SCAPER: variants seen among roughly 807,000 people sequenced by gnomAD.
The protein encoded by SCAPER is S-phase cyclin A associated protein in the ER, also known as S phase cyclin A-associated protein in the endoplasmic reticulum.
Under a neutral mutation model 182.2 loss-of-function variants are expected in SCAPER, and 98 were observed. The ratio of observed to expected loss-of-function variants is 0.54; its 90% CI spans 0.46 to 0.64. The LOEUF is 0.64. Ranked by LOEUF, SCAPER falls within the 30% of genes least tolerant of loss-of-function variation. The pLI is 0.00. For synonymous variants in SCAPER, 605 were observed against 564.6 expected, an observed-to-expected ratio of 1.07 and a Z score of -1.01; for missense variants, 1,432 against 1,690.0, an observed-to-expected ratio of 0.85 and a Z score of 2.68.
At chr15:76,849,955 T>C (rs575543480) in intron 4 of SCAPER, among the ~76,000 whole-genome samples, 3 of 152,154 alleles carry the variant, frequency 2.0e-5, no homozygotes, top group East Asian at 3.9e-4. Context: ...TGGACACCTA[T>C]AAAACCATTA....
chr15:76,787,257 A>G (rs1279030671), intron 8 of SCAPER, among the ~76,000 whole-genome samples: 1 of 152,282 alleles, frequency 6.6e-6, no homozygotes, highest in Non-Finnish European at 1.5e-5. Flanking sequence ...TCAAGTCAGT[A>G]TAGAATTGAT....
At chr15:76,818,492 A>G (rs2067257855) in intron 5 of SCAPER, among the ~76,000 whole-genome samples, 1 of 152,226 alleles carries the variant, frequency 6.6e-6, no homozygotes, top group Admixed American at 6.5e-5. Context: ...GCAAAAAACA[A>G]TATTGAGAGA....
At chr15:76,603,637 AG>A (rs2145819291) in intron 22 of SCAPER, among the ~76,000 whole-genome samples, 2 of 121,948 alleles carry the variant, frequency 1.6e-5, no homozygotes, top group South Asian at 5.1e-4. Flanking sequence ...ACTAGTTTGC[AG>A]TCCCACTCAC....
At position 76,608,852 on chromosome 15, in the gene SCAPER, C is replaced by T. The variant is rs573775924; in HGVS notation, c.2711+12912G>A. Among the ~76,000 whole-genome samples, 105 of 152,202 alleles carry T rather than the reference C, an allele frequency of 6.9e-4. 1 individual carries two copies. Among genetic ancestry groups the T allele is most frequent in the African/African-American group, 2.2e-3 (90 of 41,564 alleles). On this transcript the variant is annotated intron_variant, in intron 22 of 31. Coordinates refer to ENST00000563290, the MANE Select transcript of SCAPER (RefSeq NM_020843.4). Reference sequence around the variant, plus strand: ...TGAGGGATATAATCTCCTGGTGTGCCGTTTTTTAAGCCCGTTGGAAAAGCG... The same window carrying T: ...TGAGGGATATAATCTCCTGGTGTGCTGTTTTTTAAGCCCGTTGGAAAAGCG...
At chr15:76,837,408 G>C (rs1262956793) in intron 5 of SCAPER, among the ~76,000 whole-genome samples, 1 of 152,152 alleles carries the variant, frequency 6.6e-6, no homozygotes, top group Non-Finnish European at 1.5e-5. Context: ...TATGATCATG[G>C]TGGAAGGGGA....
intron 20 of SCAPER, among the ~76,000 whole-genome samples, chr15:76,683,365 T>A (rs1443400795): frequency 6.6e-6 from 1 of 151,744 alleles, no homozygotes; most frequent in African/African-American, 2.4e-5. Context: ...GAAAAAAGAA[T>A]AAAGAAAAAT....
At chr15:76,577,988 G>A (rs994341417) in intron 22 of SCAPER, among the ~76,000 whole-genome samples, 1 of 152,064 alleles carries the variant, frequency 6.6e-6, no homozygotes, top group African/African-American at 2.4e-5. Context: ...TGAATGGAAG[G>A]CCCAGGCCAG....
At position 76,893,647 on chromosome 15, in the gene SCAPER, C is replaced by G. The variant is rs7170490; in HGVS notation, c.-59-9771G>C. On this transcript the variant is annotated intron_variant, in intron 1 of 31. Transcript: ENST00000563290. ...CATTTTCAAGCACACACAATATTCT[C>G]TAGGATAGATCATATGTTAGGCCAC... is the stretch of plus-strand genomic sequence containing the variant. 8.1e-3 allele frequency among the ~76,000 whole-genome samples: 1,233 copies of G among 152,272 alleles called. 13 individuals carry two copies. Among genetic ancestry groups the G allele is most frequent in the African/African-American group, 0.028 (1,169 of 41,538 alleles).
intron 4 of SCAPER, among the ~76,000 whole-genome samples, chr15:76,844,336 C>G (rs1051475086): frequency 6.7e-6 from 1 of 150,340 alleles, no homozygotes; most frequent in African/African-American, 2.4e-5. Flanking sequence ...TCTGACTCAT[C>G]CCTCTCTGAG....
intron 4 of SCAPER, among the ~76,000 whole-genome samples, chr15:76,856,603 G>A (rs2071403620): frequency 6.6e-6 from 1 of 151,580 alleles, no homozygotes; most frequent in Non-Finnish European, 1.5e-5. Context: ...GATTCTTTGT[G>A]AACTCACAAT....
chr15:76,874,940 T>C (rs941285549), intron 2 of SCAPER, among the ~76,000 whole-genome samples: 2 of 152,186 alleles, frequency 1.3e-5, no homozygotes, highest in Admixed American at 6.6e-5. Flanking sequence ...CACTCCAGCC[T>C]GGGTGTGACA....
At chr15:76,854,514 C>T (rs2071123111) in intron 4 of SCAPER, among the ~76,000 whole-genome samples, 1 of 152,034 alleles carries the variant, frequency 6.6e-6, no homozygotes, top group African/African-American at 2.4e-5. Flanking sequence ...GAATCAATAT[C>T]ATTAAAACAG....
At chr15:76,370,344 G>A (rs534563063) in intron 29 of SCAPER, among the ~76,000 whole-genome samples, 4 of 134,362 alleles carry the variant, frequency 3.0e-5, no homozygotes, top group Admixed American at 2.3e-4. Flanking sequence ...TTCCTCTGTC[G>A]CCCAGGCTGG....
intron 17 of SCAPER, among the ~76,000 whole-genome samples, chr15:76,722,011 CA>C (rs2150971798): frequency 6.6e-6 from 1 of 152,250 alleles, no homozygotes; most frequent in African/African-American, 2.4e-5. Flanking sequence ...TGCCAGTTTT[CA>C]AAGGGAATGC....
intron 26 of SCAPER, among the ~76,000 whole-genome samples, chr15:76,410,179 T>C (rs2045188021): frequency 6.6e-6 from 1 of 152,164 alleles, no homozygotes; most frequent in Non-Finnish European, 1.5e-5. Context: ...ATTTGTATGT[T>C]CAAATAAAAC....
chr15:76,645,526 CTTT>C (rs764750763), intron 21 of SCAPER, among the ~76,000 whole-genome samples: 1 of 141,500 alleles, frequency 7.1e-6, no homozygotes, highest in African/African-American at 2.6e-5. Flanking sequence ...AAAGATCAGC[CTTT>C]TTTTTTTTTG....
intron 22 of SCAPER, among the ~76,000 whole-genome samples, chr15:76,583,361 A>C (rs115821407): frequency 0.011 from 1,686 of 151,912 alleles, 41 homozygotes; most frequent in African/African-American, 0.037. Flanking sequence ...AAAAAAAAAA[A>C]AAAAAAACTT....
intron 5 of SCAPER, among the ~76,000 whole-genome samples, chr15:76,809,315 T>A (rs1472649297): frequency 6.6e-6 from 1 of 152,058 alleles, no homozygotes; most frequent in Non-Finnish European, 1.5e-5. Flanking sequence ...ATGTGACTTA[T>A]CACATAGAGA....
chr15:76,418,027 A>AT (rs939619857), intron 26 of SCAPER, among the ~76,000 whole-genome samples: 5 of 151,956 alleles, frequency 3.3e-5, no homozygotes, highest in African/African-American at 7.3e-5. Context: ...AAAAAAAAAA[A>AT]TTTTTTTTCA....
Sources: gnomAD v4.1 joint callset for allele counts (sites outside exome capture counted in the v4.1 genomes callset) on GRCh38, gnomAD v4.1.1 for gene constraint, MANE v1.5 for transcripts, NCBI Gene and HGNC (gene_info 2026-07-23, HGNC 2026-07-21) for gene names.